Variants in FIRRM observed in about 807,000 individuals in gnomAD.
FIRRM encodes FIGNL1 interacting regulator of recombination and mitosis.
At chr1:169,810,502 G>GT in the FIRRM span, among the ~76,000 whole-genome samples, 1 of 151,952 alleles carries the variant, frequency 6.6e-6, no homozygotes, top group Non-Finnish European at 1.5e-5. Flanking sequence ...GCTTCTCGGT[G>GT]TCACTGGCAA....
At chr1:169,801,445 CAAAAAAAAAAA>C in the FIRRM span, among the ~76,000 whole-genome samples, 6 of 61,716 alleles carry the variant, frequency 9.7e-5, no homozygotes, top group East Asian at 1.7e-3. Flanking sequence ...TGCTCCGTCT[CAAAAAAAAAAA>C]AAAAAAAAAA....
chr1:169,815,125 A>G, the FIRRM span, among the ~76,000 whole-genome samples: 3 of 151,852 alleles, frequency 2.0e-5, no homozygotes, highest in African/African-American at 7.3e-5. Flanking sequence ...GTAAAACCCC[A>G]TCTCTACTAA....
the FIRRM span, among the ~76,000 whole-genome samples, chr1:169,840,814 G>C: frequency 1.3e-5 from 2 of 151,940 alleles, no homozygotes; most frequent in East Asian, 1.9e-4. Flanking sequence ...TCGGCCTTGT[G>C]TTCCTGATTT....
At chr1:169,824,793 C>G in the FIRRM span, among the ~76,000 whole-genome samples, 1 of 152,190 alleles carries the variant, frequency 6.6e-6, no homozygotes, top group East Asian at 1.9e-4. Context: ...TAGCAGGTTT[C>G]TCTTCTAAGT....
At chr1:169,790,842 G>A in the FIRRM span, among the ~76,000 whole-genome samples, 2 of 152,160 alleles carry the variant, frequency 1.3e-5, no homozygotes, top group East Asian at 3.9e-4. Context: ...GGCATTTTCA[G>A]TAATGGTACT....
At chr1:169,823,268 A>C in the FIRRM span, 1 of 496,566 alleles carries the variant, frequency 2.0e-6, no homozygotes, top group South Asian at 3.4e-5. Flanking sequence ...AAAAAAGAAA[A>C]GAAAAGAAAG....
chr1:169,804,317 A>G, the FIRRM span: 3 of 1,071,562 alleles, frequency 2.8e-6, no homozygotes, highest in African/African-American at 4.8e-5. Context: ...CTAATGATTC[A>G]TGTTATTTTC....
At chr1:169,809,362 A>C in the FIRRM span, among the ~76,000 whole-genome samples, 4 of 152,140 alleles carry the variant, frequency 2.6e-5, no homozygotes, top group Admixed American at 6.5e-5. Context: ...TATCAATGGC[A>C]GGAAGGTTGT....
the FIRRM span, among the ~76,000 whole-genome samples, chr1:169,807,087 T>C: frequency 3.3e-5 from 5 of 152,202 alleles, no homozygotes; most frequent in Non-Finnish European, 7.4e-5. Context: ...TCCCATTTGA[T>C]TAAGAATAAC....
the FIRRM span, chr1:169,853,142 T>G: frequency 2.3e-5 from 17 of 751,460 alleles, no homozygotes; most frequent in Non-Finnish European, 3.2e-5. Flanking sequence ...GTGGGGAATA[T>G]TCTTATTAAG....
chr1:169,798,951 G>A, the FIRRM span: 6 of 1,292,660 alleles, frequency 4.6e-6, no homozygotes, highest in African/African-American at 1.5e-5. Context: ...GTTGGATTGA[G>A]CATATTCGTA....
the FIRRM span, chr1:169,795,001 G>A: frequency 3.3e-6 from 3 of 904,938 alleles, no homozygotes; most frequent in Non-Finnish European, 5.1e-6. Flanking sequence ...TCCTCTCTAT[G>A]GTTTTGGAGC....
chr1:169,815,923 A>C, the FIRRM span, among the ~76,000 whole-genome samples: 1 of 152,222 alleles, frequency 6.6e-6, no homozygotes, highest in Non-Finnish European at 1.5e-5. Context: ...GGATGATGAT[A>C]TTCCTGCCTA....
the FIRRM span, chr1:169,827,214 A>T: frequency 6.2e-7 from 1 of 1,603,522 alleles, no homozygotes; most frequent in Non-Finnish European, 8.5e-7. Context: ...GCTTCAAAAT[A>T]GATTTAATGA....
the FIRRM span, among the ~76,000 whole-genome samples, chr1:169,840,758 C>T: frequency 2.6e-5 from 4 of 152,126 alleles, no homozygotes; most frequent in Admixed American, 2.6e-4. Context: ...GATCCACCCA[C>T]CTCGGCCTCC....
At chr1:169,845,928 T>C in the FIRRM span, among the ~76,000 whole-genome samples, 1 of 152,142 alleles carries the variant, frequency 6.6e-6, no homozygotes, top group South Asian at 2.1e-4. Context: ...TCCCAGAAGG[T>C]TTCCAATTTA....
chr1:169,799,612 C>T, the FIRRM span, among the ~76,000 whole-genome samples: 3 of 151,984 alleles, frequency 2.0e-5, no homozygotes, highest in Non-Finnish European at 2.9e-5. Flanking sequence ...AGTGCAGTGG[C>T]GTGATCTTTG....
chr1:169,830,475 T>A, the FIRRM span: 1 of 919,726 alleles, frequency 1.1e-6, no homozygotes, highest in Non-Finnish European at 1.7e-6. Flanking sequence ...ACGCTTTGAT[T>A]TCATATTACA....
the FIRRM span, chr1:169,853,619 T>C: frequency 2.2e-6 from 3 of 1,337,620 alleles, no homozygotes; most frequent in East Asian, 6.9e-5. Context: ...GCAGGCCACT[T>C]TGGGGTTTTC....
Sources: gnomAD v4.1 joint callset for allele counts (sites outside exome capture counted in the v4.1 genomes callset) on GRCh38, gnomAD v4.1.1 for gene constraint, MANE v1.5 for transcripts, NCBI Gene and HGNC (gene_info 2026-07-23, HGNC 2026-07-21) for gene names.